The following SVOP variants were observed in gnomAD, a reference collection of about 807,000 sequenced individuals.
SVOP encodes the protein synaptic vesicle 2-related protein.
In SVOP, 17 loss-of-function variants were observed where a neutral mutation model predicts 69.1. That is an observed-to-expected ratio of 0.25 (90% CI 0.17 to 0.37). SVOP has a LOEUF of 0.37. Ranked by LOEUF, SVOP falls within the 10% of genes least tolerant of loss-of-function variation. The pLI is 1.00. For synonymous variants in SVOP, 238 were observed against 238.6 expected (o/e 1.00, Z 0.02); for missense variants, 435 against 597.5 (o/e 0.73, Z 2.84).
At chr12:108,924,827 C>G (rs1200954939) in intron 11 of SVOP, among the ~76,000 whole-genome samples, 2 of 152,074 alleles carry the variant, frequency 1.3e-5, no homozygotes, top group African/African-American at 4.8e-5. Flanking sequence ...TTCAGAAACC[C>G]AGAATCCACC....
intron 11 of SVOP, among the ~76,000 whole-genome samples, chr12:108,933,147 CTA>C: frequency 6.6e-6 from 1 of 152,268 alleles, no homozygotes; most frequent in Admixed American, 6.5e-5. Flanking sequence ...AGTGCTGGGA[CTA>C]CATGCACGAG....
intron 1 of SVOP, among the ~76,000 whole-genome samples, chr12:109,016,739 T>C (rs1176975114): frequency 2.2e-5 from 3 of 137,756 alleles, no homozygotes; most frequent in Non-Finnish European, 3.0e-5. Context: ...TACCCTGCAT[T>C]AGTTCTTTTT....
intron 7 of SVOP, among the ~76,000 whole-genome samples, chr12:108,943,401 G>A (rs905469230): frequency 7.9e-5 from 12 of 151,782 alleles, no homozygotes; most frequent in Non-Finnish European, 1.6e-4. Flanking sequence ...TTCAAGATCA[G>A]CCTGGCCAAG....
chr12:109,000,219 G>GAT lies in SVOP; in HGVS notation c.36-16460_36-16459dup, dbSNP rs1373122842. The stretch of plus-strand genomic sequence containing the variant: ...TAAACTAGAAAATCTAGAAGAAATG[G>GAT]ATAAATTCCTCGACACATACAGTCT... On this transcript the variant is annotated intron_variant, in intron 1 of 15. Transcript: ENST00000610966. Among the ~76,000 whole-genome samples the GAT allele has an allele frequency of 7.4e-4, 113 of 151,860 alleles. No individual in the cohort carries two copies. The East Asian group carries it at 0.018, about 24-fold the overall frequency.
At chr12:108,996,974 G>A (rs1158667362) in intron 1 of SVOP, among the ~76,000 whole-genome samples, 2 of 152,176 alleles carry the variant, frequency 1.3e-5, no homozygotes, top group East Asian at 1.9e-4. Flanking sequence ...TGGCCGAATA[G>A]GAACAGCTCC....
At chr12:108,940,940 G>T (rs996160897) in intron 7 of SVOP, 31 bp from the exon 8 acceptor site, 14 of 1,533,544 alleles carry the variant, frequency 9.1e-6, no homozygotes, top group Non-Finnish European at 1.2e-5. Flanking sequence ...TCAGTGGTGG[G>T]GGTAGCATGG....
intron 1 of SVOP, among the ~76,000 whole-genome samples, chr12:109,010,522 T>C (rs1368668726): frequency 2.6e-5 from 4 of 152,146 alleles, no homozygotes. Context: ...TTTTATTTTG[T>C]TTGGTTTTTC....
At chr12:109,013,268 G>T (rs2040351538) in intron 1 of SVOP, among the ~76,000 whole-genome samples, 2 of 152,116 alleles carry the variant, frequency 1.3e-5, no homozygotes, top group South Asian at 4.1e-4. Flanking sequence ...GAGTTTATTA[G>T]CGATGATACG....
intron 7 of SVOP, among the ~76,000 whole-genome samples, chr12:108,943,005 C>T (rs764083114): frequency 6.6e-5 from 10 of 151,970 alleles, no homozygotes; most frequent in Non-Finnish European, 1.2e-4. Context: ...GCAATCTGCC[C>T]ACCTTGGCCT....
At chr12:108,998,267 A>G (rs1385765343) in intron 1 of SVOP, among the ~76,000 whole-genome samples, 1 of 151,362 alleles carries the variant, frequency 6.6e-6, no homozygotes, top group Admixed American at 6.6e-5. Context: ...GAGAAAAAAG[A>G]ATAAAAAGAA....
At chr12:109,007,029 C>A (rs570017695) in intron 1 of SVOP, among the ~76,000 whole-genome samples, 16 of 152,098 alleles carry the variant, frequency 1.1e-4, no homozygotes, top group Non-Finnish European at 2.1e-4. Flanking sequence ...AGGTGGAGGG[C>A]TGAGGCTTTT....
intron 15 of SVOP, among the ~76,000 whole-genome samples, chr12:108,915,024 T>TTAGCCA (rs1297453726): frequency 1.3e-5 from 2 of 151,190 alleles, no homozygotes; most frequent in African/African-American, 4.9e-5. Flanking sequence ...AATACAGAAA[T>TTAGCCA]TAGCCAGGCG....
At chr12:108,953,268 C>A (rs998685472) in intron 6 of SVOP, among the ~76,000 whole-genome samples, 20 of 151,048 alleles carry the variant, frequency 1.3e-4, no homozygotes, top group South Asian at 2.1e-4. Context: ...CCTGCCTCAG[C>A]CTCCCAAGTA....
chr12:109,003,354 C>T (rs568738024), intron 1 of SVOP, among the ~76,000 whole-genome samples: 6 of 152,316 alleles, frequency 3.9e-5, no homozygotes, highest in African/African-American at 9.6e-5. Flanking sequence ...CAACTATTGA[C>T]CGTGCTCTAG....
At position 109,020,757 on chromosome 12, in the gene SVOP, C is replaced by CCA. The variant is rs887857300; in HGVS notation, c.35+76_35+77insTG. On this transcript the variant is annotated intron_variant, in intron 1 of 15. Transcript: ENST00000610966. Reference sequence around the variant, plus strand: ...TCAAGAAACCATGCAGAGATGTACCCCCCCCCACCCCCCTTGCAGGTTTTC... The same window carrying CCA: ...TCAAGAAACCATGCAGAGATGTACCCCACCCCCCACCCCCCTTGCAGGTTTTC... 21 of 287,322 alleles carry CCA rather than the reference C, an allele frequency of 7.3e-5. No homozygotes were observed. The Middle Eastern group carries it at 1.6e-3, about 21-fold the overall frequency. The allele number at this position is 287,322 out of a possible 1,614,324, so 17.8% of individuals were successfully genotyped here. A position where few individuals can be genotyped will look rare whatever the true frequency, so the allele number is the denominator to read the frequency against.
At position 108,912,735 on chromosome 12, in the gene SVOP, G is replaced by A; in HGVS notation, c.1447C>T (p.Leu483=). Residue 483 remains leucine (L), a synonymous_variant, in exon 16 of 16, where the codon CTG becomes TTG. Transcript: ENST00000610966. The part of the protein sequence containing the change: ...LITPFIAQVM[L]ESSVYLTLAV... ...AGAGTCAGGTACACAGAGGATTCCA[G>A]CATCACCTAGGGGAAGGAGACACGG... The A allele has an allele frequency of 6.2e-7, 1 of 1,613,624 alleles. No homozygotes were observed. Among genetic ancestry groups the A allele is most frequent in the Non-Finnish European group, 8.5e-7 (1 of 1,179,748 alleles).
chr12:108,975,214 C>T (rs2040100148), intron 4 of SVOP, among the ~76,000 whole-genome samples: 2 of 152,212 alleles, frequency 1.3e-5, no homozygotes, highest in South Asian at 2.1e-4. Flanking sequence ...CACAGCAAAG[C>T]ACTGCTTCTA....
chr12:108,943,559 C>G (rs568885283), intron 7 of SVOP, among the ~76,000 whole-genome samples: 40 of 149,450 alleles, frequency 2.7e-4, no homozygotes, highest in Admixed American at 6.7e-4. Flanking sequence ...GATCGCGCCA[C>G]TGCACTCCAG....
chr12:108,919,855 C>T (rs2039738156), intron 12 of SVOP, 69 bp from the exon 13 acceptor site: 3 of 1,032,500 alleles, frequency 2.9e-6, no homozygotes, highest in Non-Finnish European at 4.4e-6. Context: ...CCTCGTAGCA[C>T]AGCCTGTATC....
Sources: allele counts gnomAD v4.1 joint callset (sites outside exome capture counted in the v4.1 genomes callset), GRCh38; gene constraint gnomAD v4.1.1; transcripts MANE v1.5; gene names NCBI Gene and HGNC (gene_info 2026-07-23, HGNC 2026-07-21).